PDE7B: variants seen among roughly 807,000 people sequenced by gnomAD.
PDE7B encodes the protein phosphodiesterase 7B, also known as 3',5'-cyclic-AMP phosphodiesterase 7B.
A neutral mutation model predicts 56.2 loss-of-function variants in PDE7B; 29 were observed. That is an observed-to-expected ratio of 0.52 (90% CI 0.38 to 0.70). The LOEUF (loss-of-function observed/expected upper bound fraction) is 0.70, where lower values mean the gene tolerates loss of function less well. Ranked by LOEUF, PDE7B falls within the 30% of genes least tolerant of loss-of-function variation. PDE7B has a pLI of 0.00. For synonymous variants in PDE7B, 197 were observed against 196.9 expected (o/e 1.00, Z 0.00); for missense variants, 490 against 565.0 (o/e 0.87, Z 1.35).
At chr6:136,124,789 G>A (rs1286443469) in intron 3 of PDE7B, among the ~76,000 whole-genome samples, 2 of 152,122 alleles carry the variant, frequency 1.3e-5, no homozygotes, top group African/African-American at 2.4e-5. Flanking sequence ...TGTTGCTATG[G>A]ATGGCGTATT....
intron 2 of PDE7B, among the ~76,000 whole-genome samples, chr6:135,991,563 T>G (rs1306713216): frequency 6.6e-6 from 1 of 152,238 alleles, no homozygotes; most frequent in African/African-American, 2.4e-5. Flanking sequence ...TGGCTGAAAT[T>G]CCTTCTGCTA....
At chr6:135,857,624 C>T (rs1775061109) in intron 1 of PDE7B, among the ~76,000 whole-genome samples, 1 of 152,106 alleles carries the variant, frequency 6.6e-6, no homozygotes, top group African/African-American at 2.4e-5. Context: ...TCTAGCAAAT[C>T]TTTGTCTAAG....
intron 2 of PDE7B, among the ~76,000 whole-genome samples, chr6:135,982,935 C>T (rs181433554): frequency 1.8e-4 from 27 of 152,306 alleles, no homozygotes; most frequent in African/African-American, 6.0e-4. Context: ...TAACCACCAA[C>T]CTCAGAAGAA....
intron 6 of PDE7B, among the ~76,000 whole-genome samples, 161 bp downstream of exon 6, chr6:136,151,416 TA>T (rs961701873): frequency 6.6e-6 from 1 of 152,170 alleles, no homozygotes; most frequent in African/African-American, 2.4e-5. Flanking sequence ...TTGTTCATCC[TA>T]AATCATTTAA....
At chr6:135,892,920 C>G (rs967998956) in intron 1 of PDE7B, among the ~76,000 whole-genome samples, 1 of 152,158 alleles carries the variant, frequency 6.6e-6, no homozygotes, top group African/African-American at 2.4e-5. Flanking sequence ...AACTTATGCT[C>G]CAGAAAGTCT....
chr6:135,888,451 C>CATGT (rs373221069), intron 1 of PDE7B, among the ~76,000 whole-genome samples: 1 of 151,038 alleles, frequency 6.6e-6, no homozygotes, highest in Non-Finnish European at 1.5e-5. Context: ...GAAATACACA[C>CATGT]GTGTGTGTGT....
intron 8 of PDE7B, among the ~76,000 whole-genome samples, chr6:136,158,242 G>T (rs994790396): frequency 2.6e-5 from 4 of 152,100 alleles, no homozygotes; most frequent in African/African-American, 9.7e-5. Context: ...TAGGATGTTT[G>T]CATGCACATT....
chr6:136,156,383 C>T (rs1583913688), intron 8 of PDE7B, among the ~76,000 whole-genome samples: 1 of 152,104 alleles, frequency 6.6e-6, no homozygotes, highest in Admixed American at 6.6e-5. Flanking sequence ...GACAAGGTCT[C>T]ACTATGTTGC....
At chr6:136,149,646 C>T (rs564035356) in intron 5 of PDE7B, among the ~76,000 whole-genome samples, 1 of 152,078 alleles carries the variant, frequency 6.6e-6, no homozygotes, top group Non-Finnish European at 1.5e-5. Context: ...TAGGCTGCAG[C>T]CAAAGGGAAA....
chr6:135,928,433 A>ATATATATATATATT (rs1774226790), intron 1 of PDE7B, among the ~76,000 whole-genome samples: 1 of 123,828 alleles, frequency 8.1e-6, no homozygotes, highest in African/African-American at 3.1e-5. Flanking sequence ...ATGTGATTAT[A>ATATATATATATATT]TATATATATA....
intron 1 of PDE7B, among the ~76,000 whole-genome samples, chr6:135,873,236 A>C (rs922076303): frequency 1.8e-4 from 27 of 152,128 alleles, no homozygotes; most frequent in Non-Finnish European, 3.7e-4. Context: ...GCTGTCAAGA[A>C]CACACCTGAA....
At chr6:136,078,042 C>T (rs1260833019) in intron 2 of PDE7B, among the ~76,000 whole-genome samples, 1 of 152,192 alleles carries the variant, frequency 6.6e-6, no homozygotes, top group African/African-American at 2.4e-5. Flanking sequence ...CGCCAAGCCA[C>T]ATGTGAGCTG....
intron 1 of PDE7B, among the ~76,000 whole-genome samples, chr6:135,916,903 T>C (rs1773962564): frequency 6.6e-6 from 1 of 152,022 alleles, no homozygotes; most frequent in South Asian, 2.1e-4. Flanking sequence ...TTTAATGTAA[T>C]TCATATCTTA....
rs1779252689 is a variant in PDE7B, at chr6:136,192,872, G to C, written c.*1032G>C. ...ATCCTCATAGATGTCTTTCTCAACT[G>C]CCTTCCCATGTTCATCTGTATGTTT... On this transcript the variant is annotated 3_prime_UTR_variant, in exon 13 of 13. Transcript: ENST00000308191. The C allele has an allele frequency of 6.6e-6, 1 of 152,308 alleles. No individual in the cohort carries two copies. Among genetic ancestry groups the C allele is most frequent in the South Asian group, 2.1e-4 (1 of 4,832 alleles). 9.4% of individuals were successfully genotyped at this position (152,308 alleles called of 1,614,324 possible).
intron 12 of PDE7B, among the ~76,000 whole-genome samples, chr6:136,188,575 T>C (rs1311508171): frequency 2.6e-5 from 4 of 152,172 alleles, no homozygotes; most frequent in Non-Finnish European, 5.9e-5. Context: ...GAAAGAAATT[T>C]ACCAGGCAAC....
intron 4 of PDE7B, 27 bp from the exon 5 acceptor site, chr6:136,149,060 C>A (rs758477416): frequency 5.2e-6 from 8 of 1,538,400 alleles, no homozygotes; most frequent in African/African-American, 2.7e-5. Flanking sequence ...GATTCATTTG[C>A]GTGCTGTTTT....
chr6:135,928,503 A>ATATATATATT (rs1562442949), intron 1 of PDE7B, among the ~76,000 whole-genome samples: 5 of 102,820 alleles, frequency 4.9e-5, no homozygotes, highest in South Asian at 3.1e-4. Flanking sequence ...ATATATATTT[A>ATATATATATT]TATATATATA....
At chr6:136,008,374 G>T (rs1216195408) in intron 2 of PDE7B, among the ~76,000 whole-genome samples, 1 of 152,184 alleles carries the variant, frequency 6.6e-6, no homozygotes, top group Non-Finnish European at 1.5e-5. Context: ...GGGTCAAATG[G>T]TATTTCTAGT....
Position 136,181,293 on chromosome 6 carries a change from G to A in PDE7B, c.1015G>A (p.Glu339Lys), listed in dbSNP as rs148676970. Residue 339 changes from glutamate to lysine, a missense_variant, in exon 11 of 13, where the codon GAA becomes AAA. Glu to Lys is a moderately conservative substitution (Grantham distance 56, BLOSUM62 1). Transcript: ENST00000308191. ...RIWEMSKQWS[E>K]RVCEEFYRQG... Reference sequence around the variant, plus strand: ...CTGGGAGATGAGCAAGCAGTGGAGTGAAAGGGTCTGTGAAGAATTCTACAG... The same window carrying A: ...CTGGGAGATGAGCAAGCAGTGGAGTAAAAGGGTCTGTGAAGAATTCTACAG... 1.2e-6 allele frequency: 2 copies of A among 1,612,868 alleles called. No individual in the cohort carries two copies. The highest frequency in any genetic ancestry group is 1.7e-6 in the Non-Finnish European group (2 of 1,178,854).
Sources: gnomAD v4.1 joint callset for allele counts (sites outside exome capture counted in the v4.1 genomes callset) on GRCh38, gnomAD v4.1.1 for gene constraint, MANE v1.5 for transcripts, NCBI Gene and HGNC (gene_info 2026-07-23, HGNC 2026-07-21) for gene names.